PRLR: variants seen among roughly 807,000 people sequenced by gnomAD.
PRLR encodes the protein hPRL receptor.
In PRLR, 13 loss-of-function variants were observed where a neutral mutation model predicts 40.2. That is an observed-to-expected ratio of 0.32 (90% CI 0.21 to 0.51). PRLR has a LOEUF of 0.51. PRLR is among the 20% of genes least tolerant of loss of function. The probability of loss-of-function intolerance (pLI) is 0.97; values close to 1 mark genes in which losing one functional copy is unlikely to be tolerated. For synonymous variants in PRLR, 269 were observed against 278.7 expected, an observed-to-expected ratio of 0.97 and a Z score of 0.35; for missense variants, 656 against 747.3, an observed-to-expected ratio of 0.88 and a Z score of 1.42.
intron 1 of PRLR, among the ~76,000 whole-genome samples, chr5:35,188,074 C>T (rs1311358234): frequency 6.6e-6 from 1 of 152,202 alleles, no homozygotes; most frequent in African/African-American, 2.4e-5. Flanking sequence ...CAGGCAGGTG[C>T]TGTCTCCTTA....
chr5:35,153,048 C>T (rs535956478), intron 1 of PRLR: 42 of 152,288 alleles, frequency 2.8e-4, no homozygotes, highest in African/African-American at 9.9e-4. Flanking sequence ...CTTAGTTTCC[C>T]TCTCTTTGAT....
intron 1 of PRLR, among the ~76,000 whole-genome samples, chr5:35,181,246 G>T (rs1055500025): frequency 1.3e-5 from 2 of 152,072 alleles, no homozygotes; most frequent in Non-Finnish European, 2.9e-5. Flanking sequence ...TCTCATTAGG[G>T]GTTAAAACTT....
At chr5:35,049,459 G>C (rs971912401) in intron 8 of PRLR, 20 of 697,624 alleles carry the variant, frequency 2.9e-5, no homozygotes, top group Non-Finnish European at 7.8e-6. Flanking sequence ...TAGAGGGAAA[G>C]TGGGAGGTTA....
chr5:35,085,106 A>C (rs925702573), intron 4 of PRLR, among the ~76,000 whole-genome samples: 4 of 152,228 alleles, frequency 2.6e-5, no homozygotes, highest in African/African-American at 9.6e-5. Context: ...CAAGAGGACA[A>C]AAACTGATGT....
intron 1 of PRLR, among the ~76,000 whole-genome samples, chr5:35,226,477 C>G (rs4254878): frequency 6.6e-6 from 1 of 152,152 alleles, no homozygotes; most frequent in Non-Finnish European, 1.5e-5. Flanking sequence ...TAGAATAGTA[C>G]AGTAGGCATT....
intron 1 of PRLR, among the ~76,000 whole-genome samples, chr5:35,162,841 T>C (rs1033339361): frequency 6.6e-6 from 1 of 152,216 alleles, no homozygotes; most frequent in Non-Finnish European, 1.5e-5. Context: ...AGTAAAATGA[T>C]TCACTGTTTT....
intron 7 of PRLR, among the ~76,000 whole-genome samples, chr5:35,069,632 T>A (rs756476177): frequency 6.6e-6 from 1 of 152,228 alleles, no homozygotes; most frequent in African/African-American, 2.4e-5. Flanking sequence ...TAAAGCATTT[T>A]AAAAATGCAA....
rs1769000990 is a variant in PRLR, at chr5:35,060,931, T to C, written c.*4158A>G. ...CTCAAATCACAGGGTGGCAGGTTTATCCCCAAATCACAGCCAGCCTCAATT... is the reference window on the plus strand; with the variant it reads ...CTCAAATCACAGGGTGGCAGGTTTACCCCCAAATCACAGCCAGCCTCAATT... On this transcript the variant is annotated 3_prime_UTR_variant, in exon 10 of 10. Transcript: ENST00000618457. The C allele has an allele frequency of 6.6e-6, 1 of 152,170 alleles. No individual in the cohort carries two copies. Among genetic ancestry groups the C allele is most frequent in the South Asian group, 2.1e-4 (1 of 4,832 alleles). 9.4% of individuals were successfully genotyped at this position (152,170 alleles called of 1,614,324 possible).
chr5:35,075,012 T>A (rs1769986110), intron 5 of PRLR, among the ~76,000 whole-genome samples: 1 of 151,924 alleles, frequency 6.6e-6, no homozygotes, highest in South Asian at 2.1e-4. Context: ...ATAGTGTACT[T>A]GGCATTATGA....
intron 1 of PRLR, among the ~76,000 whole-genome samples, chr5:35,130,892 C>T (rs948094515): frequency 3.3e-5 from 5 of 152,242 alleles, no homozygotes; most frequent in Admixed American, 2.0e-4. Context: ...CGGCAGAGAT[C>T]GGAGTGATGC....
intron 1 of PRLR, among the ~76,000 whole-genome samples, chr5:35,226,123 T>C (rs1226666863): frequency 6.6e-6 from 1 of 152,262 alleles, no homozygotes; most frequent in Non-Finnish European, 1.5e-5. Flanking sequence ...TATTGGACAG[T>C]TCAGTTGTAG....
chr5:35,096,777 C>G (rs569921787), intron 2 of PRLR, among the ~76,000 whole-genome samples: 4 of 152,060 alleles, frequency 2.6e-5, no homozygotes, highest in Non-Finnish European at 5.9e-5. Context: ...TGCACCATCA[C>G]GCCTGGCTAA....
chr5:35,086,238 G>T lies in PRLR; in HGVS notation c.173C>A (p.Thr58Asn). 6.2e-7 allele frequency: 1 copy of T among 1,614,006 alleles called. No homozygotes were observed. The highest frequency in any genetic ancestry group is 8.5e-7 in the Non-Finnish European group (1 of 1,179,932). Reference protein sequence around the residue: ...WRPGTDGGLPTNYSLTYHREG... With the variant: ...WRPGTDGGLPNNYSLTYHREG... ...CCTGTGGTAAGTCAGTGAATAATTG[G>T]TAGGAAGTCCTCCATCTGTCCCAGG... The change falls in exon 4 of 10, where the codon ACC becomes AAC. Residue 58 changes from threonine (T) to asparagine (N), a missense_variant. Physicochemically the swap from Thr to Asn is moderately conservative, Grantham distance 65 (BLOSUM62 0). Around this residue, in one of 3 missense-constraint regions of PRLR, gnomAD observed 180 missense variants for 236.8 expected, o/e 0.76. Transcript: ENST00000618457.
intron 1 of PRLR, among the ~76,000 whole-genome samples, chr5:35,169,961 C>T (rs561598529): frequency 7.9e-5 from 12 of 152,268 alleles, no homozygotes; most frequent in South Asian, 4.2e-4. Flanking sequence ...ATATGAGGCT[C>T]GGTCTCTGTG....
intron 2 of PRLR, among the ~76,000 whole-genome samples, chr5:35,098,292 T>C (rs1359701954): frequency 6.6e-6 from 1 of 152,218 alleles, no homozygotes; most frequent in Non-Finnish European, 1.5e-5. Context: ...AGATAGTGTC[T>C]ATACCCTTCG....
rs539931984 is a variant in PRLR, at chr5:35,105,986, G to C, written c.-44+12075C>G. On this transcript the variant is annotated intron_variant, in intron 2 of 9. Transcript: ENST00000618457. ...ACGGGCAGCCAGAGAGAAAGGTTGGGTTACCCACAAAGGGAAGCCCATCAG... is the reference window on the plus strand; with the variant it reads ...ACGGGCAGCCAGAGAGAAAGGTTGGCTTACCCACAAAGGGAAGCCCATCAG... Among the ~76,000 whole-genome samples the C allele has an allele frequency of 2.0e-5, 3 of 152,320 alleles. No homozygotes were observed. The East Asian group carries it at 5.8e-4, about 29-fold the overall frequency.
chr5:35,070,263 G>C lies in PRLR; in HGVS notation c.546C>G (p.Ile182Met). Reference protein sequence around the residue: ...LKPEKAAEWEIHFAGQQTEFK... With the variant: ...LKPEKAAEWEMHFAGQQTEFK... ...ACTCTGTTTGCTGCCCAGCAAAATG[G>C]ATCTAAGGTAGAATAAGGAAAACAG... Residue 182 changes from isoleucine to methionine, a missense_variant and splice_region_variant, in exon 7 of 10, where the codon ATC becomes ATG. Physicochemically the swap from Ile to Met is conservative, Grantham distance 10. Transcript: ENST00000618457. 2 of 1,613,314 alleles carry C rather than the reference G, an allele frequency of 1.2e-6. No individual in the cohort carries two copies. The highest frequency in any genetic ancestry group is 1.7e-6 in the Non-Finnish European group (2 of 1,179,800).
At chr5:35,204,332 T>C (rs1340302638) in intron 1 of PRLR, among the ~76,000 whole-genome samples, 3 of 151,728 alleles carry the variant, frequency 2.0e-5, no homozygotes, top group Non-Finnish European at 1.5e-5. Context: ...GAGTATATAA[T>C]ACTCAAGTGA....
At chr5:35,170,921 A>G (rs1774977909) in intron 1 of PRLR, among the ~76,000 whole-genome samples, 1 of 152,212 alleles carries the variant, frequency 6.6e-6, no homozygotes, top group African/African-American at 2.4e-5. Flanking sequence ...AAAGTATTGA[A>G]CAAACGGACA....
Sources: gnomAD v4.1 joint callset for allele counts (sites outside exome capture counted in the v4.1 genomes callset) on GRCh38, gnomAD v4.1.1 for gene constraint, gnomAD v4.1.1 regional missense constraint, MANE v1.5 for transcripts, NCBI Gene and HGNC (gene_info 2026-07-23, HGNC 2026-07-21) for gene names.